MAPK4: variants seen among roughly 807,000 people sequenced by gnomAD.
MAPK4 encodes the protein Erk3-related.
A neutral mutation model predicts 47.7 loss-of-function variants in MAPK4; 22 were observed. The observed-to-expected ratio is 0.46, with a 90% CI of 0.33 to 0.66. MAPK4 has a LOEUF of 0.66. Among genes scored for constraint, MAPK4 ranks in the 30% least tolerant of loss-of-function variants. The pLI, the probability that MAPK4 is intolerant of heterozygous loss-of-function variation, is 0.02. For missense variants in MAPK4, 736 were observed against 831.7 expected (o/e 0.88, Z 1.42); for synonymous variants, 390 against 365.7 (o/e 1.07, Z -0.76).
chr18:50,629,826 G>C (rs1293705839), intron 1 of MAPK4: 3 of 152,192 alleles, frequency 2.0e-5, no homozygotes, highest in Non-Finnish European at 4.4e-5. Flanking sequence ...CCCAGGCTCT[G>C]TTCCAAGCCA....
rs1246928398 is a variant in MAPK4 at position 50,730,062 on chromosome 18, C to T, written c.*208C>T. The T allele has an allele frequency of 6.3e-6, 3 of 478,836 alleles. No homozygotes were observed. The highest frequency in any genetic ancestry group is 3.9e-5 in the African/African-American group (2 of 51,610). The allele number at this position is 478,836 out of a possible 1,614,324, so 29.7% of individuals were successfully genotyped here. A position where few individuals can be genotyped will look rare whatever the true frequency, so the allele number is the denominator to read the frequency against. On this transcript the variant is annotated 3_prime_UTR_variant, in exon 6 of 6. Transcript: ENST00000400384. ...TGTGGGAGCGGGTTTGAACAGGACC[C>T]TGGCTTAGGGGTTGATCACTTTCCT...
chr18:50,582,591 T>A (rs1255439634), intron 1 of MAPK4, among the ~76,000 whole-genome samples: 1 of 152,248 alleles, frequency 6.6e-6, no homozygotes, highest in African/African-American at 2.4e-5. Flanking sequence ...AGAATTCCTT[T>A]GGTGCTGCTT....
At position 50,710,795 on chromosome 18, in the gene MAPK4, A is replaced by C. The variant is rs564414283; in HGVS notation, c.547-4284A>C. Reference sequence around the variant, plus strand: ...ACTCCGTCTCTAAATAAATAAATAAATAAATAAATAAATAAATAAATAAAT... The same window carrying C: ...ACTCCGTCTCTAAATAAATAAATAACTAAATAAATAAATAAATAAATAAAT... On this transcript the variant is annotated intron_variant, in intron 2 of 5. Coordinates refer to ENST00000400384, the MANE Select transcript of MAPK4 (RefSeq NM_002747.4). Among the ~76,000 whole-genome samples the C allele has an allele frequency of 4.3e-3, 641 of 148,862 alleles. 6 individuals are homozygous for C. Among genetic ancestry groups the C allele is most frequent in the African/African-American group, 0.014 (575 of 40,594 alleles).
At chr18:50,584,786 A>T (rs2042375070) in intron 1 of MAPK4, among the ~76,000 whole-genome samples, 1 of 152,254 alleles carries the variant, frequency 6.6e-6, no homozygotes. Flanking sequence ...TTACAAGGAT[A>T]ACAAAAGAAT....
At position 50,609,271 on chromosome 18, in the gene MAPK4, C is replaced by G. The variant is rs1009333831; in HGVS notation, c.-871+49028C>G. On this transcript the variant is annotated intron_variant, in intron 1 of 5. Transcript: ENST00000400384. ...ACGGGGTGGCGGCCGGGCAGAGGGGCTCCTCACTTCCCAGAAGGGGCGGCC... is the reference window on the plus strand; with the variant it reads ...ACGGGGTGGCGGCCGGGCAGAGGGGGTCCTCACTTCCCAGAAGGGGCGGCC... 1.0e-3 allele frequency among the ~76,000 whole-genome samples: 154 copies of G among 151,950 alleles called. 1 individual carries two copies. The highest frequency in any genetic ancestry group is 3.5e-3 in the African/African-American group (144 of 41,530).
intron 2 of MAPK4, among the ~76,000 whole-genome samples, chr18:50,679,736 C>T (rs1055519891): frequency 6.6e-6 from 1 of 152,192 alleles, no homozygotes; most frequent in Non-Finnish European, 1.5e-5. Flanking sequence ...GGCATGGAGG[C>T]GCTCGGGCTT....
chr18:50,654,825 C>A (rs967755117), intron 1 of MAPK4, among the ~76,000 whole-genome samples: 2 of 152,166 alleles, frequency 1.3e-5, no homozygotes, highest in East Asian at 3.9e-4. Context: ...GGAGTTCCGA[C>A]GAGGCAGCCG....
chr18:50,648,099 C>CAGAG (rs146378809), intron 1 of MAPK4, among the ~76,000 whole-genome samples: 45,209 of 146,832 alleles, frequency 0.31, 7,357 homozygotes, highest in Admixed American at 0.38. Flanking sequence ...AAGAAAGACC[C>CAGAG]AGAGAGAGAG....
At chr18:50,658,676 A>C (rs1422739044) in intron 1 of MAPK4, among the ~76,000 whole-genome samples, 2 of 152,244 alleles carry the variant, frequency 1.3e-5, no homozygotes, top group Non-Finnish European at 2.9e-5. Context: ...CAGAACTAGA[A>C]GGGACTTTAG....
At chr18:50,708,687 C>T (rs187693687) in intron 2 of MAPK4, among the ~76,000 whole-genome samples, 2 of 152,238 alleles carry the variant, frequency 1.3e-5, no homozygotes, top group Admixed American at 6.5e-5. Flanking sequence ...TCTAGACAGC[C>T]CAGGCCCCCA....
intron 2 of MAPK4, among the ~76,000 whole-genome samples, chr18:50,677,840 C>A (rs1256550269): frequency 1.3e-5 from 2 of 152,196 alleles, no homozygotes; most frequent in African/African-American, 4.8e-5. Context: ...TAGGCATGAG[C>A]CCCTGCACCT....
chr18:50,705,887 C>A (rs2099592), intron 2 of MAPK4: 137,836 of 152,220 alleles, frequency 0.91, 63,774 homozygotes, highest in Non-Finnish European at 1. Context: ...GACATATCAT[C>A]CATTTGTTTG....
chr18:50,578,751 AATG>A (rs1334809256), intron 1 of MAPK4, among the ~76,000 whole-genome samples: 2 of 152,218 alleles, frequency 1.3e-5, no homozygotes, highest in African/African-American at 2.4e-5. Context: ...TTGGGGGAGT[AATG>A]GACTGCTAAA....
At chr18:50,649,538 C>G (rs1398612879) in intron 1 of MAPK4, among the ~76,000 whole-genome samples, 2 of 152,124 alleles carry the variant, frequency 1.3e-5, no homozygotes, top group African/African-American at 2.4e-5. Context: ...CTGACCTGAT[C>G]CAGCCCCACC....
At chr18:50,607,917 C>T (rs899582475) in intron 1 of MAPK4, among the ~76,000 whole-genome samples, 6 of 152,152 alleles carry the variant, frequency 3.9e-5, no homozygotes, top group Non-Finnish European at 8.8e-5. Context: ...TAATAAGAAG[C>T]CACATAATGA....
chr18:50,684,378 T>C (rs373697635), intron 2 of MAPK4, among the ~76,000 whole-genome samples: 1 of 151,812 alleles, frequency 6.6e-6, no homozygotes, highest in African/African-American at 2.4e-5. Flanking sequence ...GACCCCTTTT[T>C]CTAAAAATAA....
chr18:50,702,285 G>A (rs1316987691), intron 2 of MAPK4, among the ~76,000 whole-genome samples: 1 of 152,002 alleles, frequency 6.6e-6, no homozygotes, highest in African/African-American at 2.4e-5. Context: ...TGGGCGTGGT[G>A]GTGCATGCCT....
chr18:50,668,480 T>C (rs1225100558), intron 2 of MAPK4, among the ~76,000 whole-genome samples: 1 of 152,210 alleles, frequency 6.6e-6, no homozygotes, highest in Non-Finnish European at 1.5e-5. Context: ...AGGTTTCAAG[T>C]TGCAGTCAGG....
intron 1 of MAPK4, among the ~76,000 whole-genome samples, chr18:50,599,887 A>C (rs1189658960): frequency 6.6e-6 from 1 of 152,194 alleles, no homozygotes; most frequent in Non-Finnish European, 1.5e-5. Flanking sequence ...TGTTTGTGAA[A>C]ATAGCTTGGA....
Sources: gnomAD v4.1 joint callset for allele counts (sites outside exome capture counted in the v4.1 genomes callset) on GRCh38, gnomAD v4.1.1 for gene constraint, MANE v1.5 for transcripts, NCBI Gene and HGNC (gene_info 2026-07-23, HGNC 2026-07-21) for gene names.